RGS22: variants seen among roughly 807,000 people sequenced by gnomAD.
The protein encoded by RGS22 is regulator of G-protein signaling 22.
RGS22 carries 148 observed loss-of-function variants against 172.9 expected under a neutral mutation model. The observed-to-expected ratio is 0.86, with a 90% CI of 0.75 to 0.98. The LOEUF (loss-of-function observed/expected upper bound fraction) is 0.98. Among genes scored for constraint, RGS22 ranks in the 50% least tolerant of loss-of-function variants. The pLI is 0.00. For synonymous variants in RGS22, 458 were observed against 480.2 expected (o/e 0.95, Z 0.60); for missense variants, 1,347 against 1,440.8 (o/e 0.93, Z 1.05).
chr8:99,971,710 C>A (rs1456046300), intron 23 of RGS22, among the ~76,000 whole-genome samples: 3 of 152,132 alleles, frequency 2.0e-5, no homozygotes, highest in Admixed American at 6.6e-5. Context: ...CAAACCACTG[C>A]TCAAGGAAAT....
chr8:100,060,191 T>A (rs924923680), intron 9 of RGS22, among the ~76,000 whole-genome samples: 7 of 151,982 alleles, frequency 4.6e-5, no homozygotes, highest in African/African-American at 1.7e-4. Context: ...GTCCCTCAAG[T>A]TCCCAGGTAA....
rs764067983 is a variant in RGS22, at chr8:100,100,291, A to ATT, written c.54+5081_54+5082dup. Among the ~76,000 whole-genome samples the ATT allele has an allele frequency of 5.9e-3, 809 of 136,984 alleles. 16 individuals are homozygous for ATT. The highest frequency in any genetic ancestry group is 0.018 in the African/African-American group (668 of 36,640). 89.9% of individuals were successfully genotyped at this position (136,984 alleles called of 152,430 possible). On this transcript the variant is annotated intron_variant, in intron 2 of 27. Transcript: ENST00000360863. Reference sequence around the variant, plus strand: ...TTTTTAAAGTTTGTATTTTTTTCTGATTTTTTTTTTTTTTTTGAGACGTAG... The same window carrying ATT: ...TTTTTAAAGTTTGTATTTTTTTCTGATTTTTTTTTTTTTTTTTTGAGACGTAG...
chr8:100,047,829 T>C (rs1586113906), intron 10 of RGS22, among the ~76,000 whole-genome samples: 1 of 152,312 alleles, frequency 6.6e-6, no homozygotes, highest in East Asian at 1.9e-4. Flanking sequence ...AAAAGGCTTA[T>C]ATCCTTACTT....
Position 100,052,982 on chromosome 8 carries a change from T to C in RGS22, c.1515-6A>G, listed in dbSNP as rs926896577. On this transcript the variant is annotated splice_region_variant and splice_polypyrimidine_tract_variant and intron_variant, in intron 9 of 27. Coordinates refer to ENST00000360863, the MANE Select transcript of RGS22 (RefSeq NM_015668.5). ...TAACACAGAATCTTGGTGCCCTGTT[T>C]ATTGGAAAAATAAATGTAAGATTGA... 5.0e-6 allele frequency: 8 copies of C among 1,612,150 alleles called. No homozygotes were observed. The highest frequency in any genetic ancestry group is 6.8e-6 in the Non-Finnish European group (8 of 1,178,988).
At chr8:100,011,365 C>G (rs1378578804) in intron 14 of RGS22, among the ~76,000 whole-genome samples, 3 of 152,104 alleles carry the variant, frequency 2.0e-5, no homozygotes, top group African/African-American at 7.2e-5. Flanking sequence ...CCACCTTCAC[C>G]TCTTGCTTGC....
intron 4 of RGS22, among the ~76,000 whole-genome samples, chr8:100,074,696 T>C (rs1333897803): frequency 1.3e-5 from 2 of 152,204 alleles, no homozygotes; most frequent in East Asian, 3.8e-4. Flanking sequence ...CTTTCAGCTT[T>C]TGTGATCATG....
chr8:100,047,101 C>T (rs570071721), intron 11 of RGS22, among the ~76,000 whole-genome samples: 4 of 152,218 alleles, frequency 2.6e-5, no homozygotes, highest in Admixed American at 2.6e-4. Flanking sequence ...AGCTCTGAGC[C>T]ACCGTGTCTG....
chr8:100,079,433 C>A lies in RGS22; in HGVS notation c.339+701G>T, dbSNP rs190717505. 2.2e-3 allele frequency among the ~76,000 whole-genome samples: 337 copies of A among 152,166 alleles called. 2 individuals are homozygous for A. Among genetic ancestry groups the A allele is most frequent in the African/African-American group, 7.8e-3 (325 of 41,438 alleles). The stretch of plus-strand genomic sequence containing the variant: ...AGTAACAGAAGAATTGAAGAACTTT[C>A]AGGCTAGAGTAGATCTATGTCTTAA... On this transcript the variant is annotated intron_variant, in intron 4 of 27. Coordinates refer to ENST00000360863, the MANE Select transcript of RGS22 (RefSeq NM_015668.5).
Position 100,052,873 on chromosome 8 carries a change from G to A in RGS22, c.1618C>T (p.Pro540Ser), listed in dbSNP as rs754676646. The A allele has an allele frequency of 1.3e-5, 21 of 1,613,916 alleles. No homozygotes were observed. In the East Asian group the frequency reaches 4.5e-4, roughly 34 times the overall value. Residue 540 changes from proline to serine, a missense_variant, in exon 10 of 28, where the codon CCT becomes TCT. By Grantham distance (74) the Pro-to-Ser change is moderately conservative. Transcript: ENST00000360863. ...RQAKPRKDID[P>S]FPQMATLLPL... ...AAGAGGGTTGCCATTTGTGGAAAAG[G>A]GTCAATATCCTTCCTTGGTTTTGCT...
At chr8:99,966,138 C>T (rs1221668692) in intron 23 of RGS22, among the ~76,000 whole-genome samples, 3 of 152,114 alleles carry the variant, frequency 2.0e-5, no homozygotes, top group Non-Finnish European at 4.4e-5. Context: ...ATTAACAACA[C>T]TCATTAGAAA....
intron 27 of RGS22, among the ~76,000 whole-genome samples, chr8:99,961,784 A>G (rs1230194253): frequency 6.6e-6 from 1 of 151,614 alleles, no homozygotes; most frequent in Non-Finnish European, 1.5e-5. Flanking sequence ...ACTAGAAGAG[A>G]AAAAAATGAG....
At position 99,999,276 on chromosome 8, in the gene RGS22, G is replaced by C; in HGVS notation, c.2935C>G (p.Arg979Gly). The C allele has an allele frequency of 6.2e-7, 1 of 1,613,276 alleles. No homozygotes were observed. Among genetic ancestry groups the C allele is most frequent in the Non-Finnish European group, 8.5e-7 (1 of 1,179,768 alleles). The change falls in exon 19 of 28, where the codon CGT becomes GGT. Residue 979 changes from arginine (R) to glycine (G), a missense_variant. Coordinates refer to ENST00000360863, the MANE Select transcript of RGS22 (RefSeq NM_015668.5). ...LFLASEQFAA[R>G]QKIKVQMKDI... ...AATTTATATACCTTTATCTTCTGAC[G>C]TGCTGCAAACTGTTCACTTGCAAGA...
intron 14 of RGS22, among the ~76,000 whole-genome samples, chr8:100,021,218 A>G (rs1421534140): frequency 1.3e-5 from 2 of 152,266 alleles, no homozygotes; most frequent in African/African-American, 4.8e-5. Context: ...ATGCCAATTT[A>G]TAACAGTTTA....
At chr8:100,027,728 C>T (rs1448753966) in intron 14 of RGS22, among the ~76,000 whole-genome samples, 1 of 152,144 alleles carries the variant, frequency 6.6e-6, no homozygotes, top group African/African-American at 2.4e-5. Flanking sequence ...GTTGATCCAC[C>T]TACCTCAGCC....
chr8:100,087,495 C>T (rs1257685569), intron 3 of RGS22, among the ~76,000 whole-genome samples: 1 of 152,004 alleles, frequency 6.6e-6, no homozygotes, highest in Admixed American at 6.6e-5. Flanking sequence ...TTCCACATTT[C>T]TTTGAAAAGG....
At position 100,105,915 on chromosome 8, in the gene RGS22, C is replaced by T; in HGVS notation, c.7G>A (p.Glu3Lys). MP[E>K]KRLTAEPPTI... ...CACCTACCCGCGGTGAGCCTCTTCT[C>T]GGGCATGCCGTCCCCGCTGCCCGCG... The change falls in exon 1 of 28, where the codon GAG becomes AAG. Residue 3 changes from glutamate (E) to lysine (K), a missense_variant. Transcript: ENST00000360863. 1 of 1,491,630 alleles carries T rather than the reference C, an allele frequency of 6.7e-7. No individual in the cohort carries two copies. Among genetic ancestry groups the T allele is most frequent in the Non-Finnish European group, 8.9e-7 (1 of 1,123,104 alleles). 92.4% of individuals were successfully genotyped at this position (1,491,630 alleles called of 1,614,324 possible). A position where few individuals can be genotyped will look rare whatever the true frequency, so the allele number is the denominator to read the frequency against.
intron 21 of RGS22, among the ~76,000 whole-genome samples, chr8:99,982,514 T>G (rs145730810): frequency 6.6e-6 from 1 of 152,220 alleles, no homozygotes; most frequent in Non-Finnish European, 1.5e-5. Flanking sequence ...TGTGAGAACA[T>G]GTTGCTCCTA....
intron 2 of RGS22, among the ~76,000 whole-genome samples, chr8:100,098,867 T>TTTTA (rs1427813102): frequency 1.2e-3 from 7 of 5,808 alleles, no homozygotes; most frequent in African/African-American, 3.2e-3. Flanking sequence ...ATTTTATTTA[T>TTTTA]TTTATTTTAT....
intron 14 of RGS22, among the ~76,000 whole-genome samples, chr8:100,037,801 A>T (rs1193791872): frequency 6.6e-6 from 1 of 152,202 alleles, no homozygotes; most frequent in African/African-American, 2.4e-5. Context: ...GTAAAGGATT[A>T]ACAAACAGAA....
Sources: allele counts gnomAD v4.1 joint callset (sites outside exome capture counted in the v4.1 genomes callset), GRCh38; gene constraint gnomAD v4.1.1; transcripts MANE v1.5; gene names NCBI Gene and HGNC (gene_info 2026-07-23, HGNC 2026-07-21).